Variants in PGM1 observed in about 807,000 individuals in gnomAD.
PGM1 encodes the protein phosphoglucomutase-1.
PGM1 carries 52 observed loss-of-function variants against 55.6 expected under a neutral mutation model. The observed-to-expected ratio is 0.94, with a 90% confidence interval of 0.75 to 1.18. The LOEUF (loss-of-function observed/expected upper bound fraction) is 1.18. PGM1 is among the 50% of genes most tolerant of loss of function. The pLI is 0.00. For synonymous variants in PGM1, 287 were observed against 271.7 expected, an observed-to-expected ratio of 1.06 and a Z score of -0.55; for missense variants, 724 against 729.3, an observed-to-expected ratio of 0.99 and a Z score of 0.08.
At chr1:63,619,257 G>A (rs1463050522) in intron 1 of PGM1, among the ~76,000 whole-genome samples, 2 of 152,232 alleles carry the variant, frequency 1.3e-5, no homozygotes, top group Non-Finnish European at 2.9e-5. Context: ...CACTCTCATG[G>A]AATAGTTGGG....
At position 63,593,994 on chromosome 1, in the gene PGM1, C is replaced by T. The variant is rs895608340; in HGVS notation, c.246+260C>T. On this transcript the variant is annotated intron_variant, in intron 1 of 10. Coordinates refer to ENST00000371084, the MANE Select transcript of PGM1 (RefSeq NM_002633.3). ...GCGCCGGGAGGTGCGGGCGCGGAGC[C>T]TCCCAAGGTCACGCCCGACTCTCCG... The T allele has an allele frequency of 1.0e-4, 122 of 1,165,580 alleles. 1 individual carries two copies. In the African/African-American group the frequency reaches 1.8e-3, roughly 17 times the overall value. The allele number at this position is 1,165,580 out of a possible 1,614,324, so 72.2% of individuals were successfully genotyped here. A position where few individuals can be genotyped will look rare whatever the true frequency, so the allele number is the denominator to read the frequency against.
chr1:63,615,575 T>G (rs1337968628), intron 1 of PGM1, among the ~76,000 whole-genome samples: 75 of 133,006 alleles, frequency 5.6e-4, no homozygotes, highest in Non-Finnish European at 7.6e-4. Flanking sequence ...TTTTTTTTTT[T>G]TTTTTGAGAC....
At chr1:63,621,029 A>G (rs2100974737) in intron 1 of PGM1, among the ~76,000 whole-genome samples, 1 of 152,204 alleles carries the variant, frequency 6.6e-6, no homozygotes, top group South Asian at 2.1e-4. Context: ...CTTTTTTACT[A>G]TACTTCACAG....
chr1:63,612,691 C>A (rs1648601673), intron 1 of PGM1, among the ~76,000 whole-genome samples: 1 of 152,220 alleles, frequency 6.6e-6, no homozygotes, highest in Admixed American at 6.5e-5. Flanking sequence ...CTCAACCATG[C>A]AGACTAACTG....
intron 1 of PGM1, among the ~76,000 whole-genome samples, chr1:63,609,032 G>T (rs554575204): frequency 6.6e-6 from 1 of 152,320 alleles, no homozygotes; most frequent in African/African-American, 2.4e-5. Flanking sequence ...AAGGCAGAGG[G>T]AGGGGATAAG....
intron 7 of PGM1, among the ~76,000 whole-genome samples, chr1:63,644,019 C>A (rs1649589847): frequency 6.6e-6 from 1 of 152,222 alleles, no homozygotes; most frequent in African/African-American, 2.4e-5. Flanking sequence ...TGCCCCCATC[C>A]TCAGGCCTGT....
intron 1 of PGM1, among the ~76,000 whole-genome samples, chr1:63,615,070 T>C (rs904599655): frequency 2.6e-5 from 4 of 152,202 alleles, no homozygotes; most frequent in African/African-American, 7.2e-5. Flanking sequence ...CTTTAAATCC[T>C]CCTTCTGCTA....
chr1:63,642,377 A>T (rs1649539986), intron 7 of PGM1, among the ~76,000 whole-genome samples: 1 of 152,254 alleles, frequency 6.6e-6, no homozygotes, highest in African/African-American at 2.4e-5. Flanking sequence ...AGAGGTCAGC[A>T]TTACAAACAC....
At chr1:63,636,199 A>G in intron 5 of PGM1, 35 bp from the exon 6 acceptor site, 1 of 1,601,498 alleles carries the variant, frequency 6.2e-7, no homozygotes, top group African/African-American at 1.3e-5. Flanking sequence ...TAGTTTGATT[A>G]AAAGGTCTTT....
At chr1:63,651,209 G>A (rs1041294313) in intron 8 of PGM1, 4 of 164,654 alleles carry the variant, frequency 2.4e-5, no homozygotes, top group African/African-American at 9.6e-5. Flanking sequence ...AGCAGCCTCA[G>A]GCAGGTCTCA....
At chr1:63,626,248 G>C (rs1649011893) in intron 1 of PGM1, among the ~76,000 whole-genome samples, 1 of 152,152 alleles carries the variant, frequency 6.6e-6, no homozygotes, top group African/African-American at 2.4e-5. Context: ...ACCATTTTCA[G>C]TGTATGGTTC....
Position 63,636,332 on chromosome 1 carries a change from G to A in PGM1, c.972G>A (p.Gln324=), listed in dbSNP as rs1649361838. ...ACATCTTCAGCATTCCGTATTTCCA[G>A]CAGACTGGGGTCCGCGGCTTTGCAC... ...AANIFSIPYF[Q]QTGVRGFARS... Residue 324 remains glutamine, a synonymous_variant, in exon 6 of 11, where the codon CAG becomes CAA. Coordinates refer to ENST00000371084, the MANE Select transcript of PGM1 (RefSeq NM_002633.3). 6.2e-7 allele frequency: 1 copy of A among 1,614,120 alleles called. No individual in the cohort carries two copies. The highest frequency in any genetic ancestry group is 2.2e-5 in the East Asian group (1 of 44,860).
chr1:63,619,314 G>A (rs1648824263), intron 1 of PGM1, among the ~76,000 whole-genome samples: 1 of 152,170 alleles, frequency 6.6e-6, no homozygotes, highest in Admixed American at 6.5e-5. Context: ...GCACAGTATG[G>A]AAAAAGGGTC....
chr1:63,614,321 A>G lies in PGM1; in HGVS notation c.247-15104A>G, dbSNP rs551832754. 8.5e-5 allele frequency among the ~76,000 whole-genome samples: 13 copies of G among 152,298 alleles called. No homozygotes were observed. The South Asian group carries it at 1.4e-3, about 17-fold the overall frequency. ...TTCCTCAAGACCCTTTTTAATAGTT[A>G]TGTAGCGCTACAGTCTAGGGGTTCC... is the stretch of plus-strand genomic sequence containing the variant. On this transcript the variant is annotated intron_variant, in intron 1 of 10. Transcript: ENST00000371084.
Position 63,659,600 on chromosome 1 carries a change from C to G in PGM1, c.1614C>G (p.Pro538=), listed in dbSNP as rs775453982. 1 of 1,613,816 alleles carries G rather than the reference C, an allele frequency of 6.2e-7. No individual in the cohort carries two copies. The highest frequency in any genetic ancestry group is 8.5e-7 in the Non-Finnish European group (1 of 1,179,816). ...INQDPQVMLA[P]LISIALKVSQ... The stretch of plus-strand genomic sequence containing the variant: ...GTCTTCCTCAGGTCATGTTGGCCCC[C>G]CTTATTTCCATTGCTCTGAAAGTGT... Residue 538 remains proline (P), a synonymous_variant, in exon 11 of 11, where the codon CCC becomes CCG. Coordinates refer to ENST00000371084, the MANE Select transcript of PGM1 (RefSeq NM_002633.3).
intron 1 of PGM1, among the ~76,000 whole-genome samples, chr1:63,624,548 C>T (rs983038861): frequency 6.6e-6 from 1 of 152,158 alleles, no homozygotes. Context: ...GGCATCAGGA[C>T]ATTGATGTTT....
chr1:63,651,755 G>A lies in PGM1; in HGVS notation c.1367G>A (p.Gly456Glu). The change falls in exon 9 of 11, where the codon GGG (glycine) becomes GAG (glutamate). Residue 456 changes from glycine to glutamate, a missense_variant. By Grantham distance (98) the Gly-to-Glu change is moderately conservative (BLOSUM62 -2). This residue lies in a region of PGM1 where 316 missense variants were observed against 313.1 expected (regional missense o/e 1.01). Coordinates refer to ENST00000371084, the MANE Select transcript of PGM1 (RefSeq NM_002633.3). ...EALMFDRSFV[G>E]KQFSANDKVY... Reference sequence around the variant, plus strand: ...CTGATGTTTGATCGCTCCTTTGTGGGGAAGCAGTTCTCAGCAAATGACAAA... The same window carrying A: ...CTGATGTTTGATCGCTCCTTTGTGGAGAAGCAGTTCTCAGCAAATGACAAA... The A allele has an allele frequency of 6.2e-7, 1 of 1,613,830 alleles. No individual in the cohort carries two copies. The highest frequency in any genetic ancestry group is 1.3e-5 in the African/African-American group (1 of 75,020).
intron 1 of PGM1, among the ~76,000 whole-genome samples, chr1:63,626,273 C>T (rs1198392356): frequency 1.3e-5 from 2 of 152,142 alleles, no homozygotes; most frequent in Non-Finnish European, 2.9e-5. Flanking sequence ...GCATTAATTA[C>T]ACTCACAATG....
intron 7 of PGM1, among the ~76,000 whole-genome samples, chr1:63,645,519 G>A (rs1649624702): frequency 6.6e-6 from 1 of 152,152 alleles, no homozygotes; most frequent in Non-Finnish European, 1.5e-5. Flanking sequence ...AGGATGAACT[G>A]TTGCCAAAAC....
Sources: gnomAD v4.1 joint callset for allele counts (sites outside exome capture counted in the v4.1 genomes callset) on GRCh38, gnomAD v4.1.1 for gene constraint, gnomAD v4.1.1 regional missense constraint, MANE v1.5 for transcripts, NCBI Gene and HGNC (gene_info 2026-07-23, HGNC 2026-07-21) for gene names.